The following CCDC148 variants were observed in gnomAD, a reference collection of about 807,000 sequenced individuals.
CCDC148 encodes coiled-coil domain-containing protein 148.
CCDC148 carries 89 observed loss-of-function variants against 85.7 expected under a neutral mutation model. The ratio of observed to expected loss-of-function variants is 1.04; its 90% CI spans 0.87 to 1.24. The LOEUF is 1.24. CCDC148 is among the 50% of genes most tolerant of loss of function. The pLI, the probability that CCDC148 is intolerant of heterozygous loss-of-function variation, is 0.00. For missense variants in CCDC148, 692 were observed against 671.7 expected (o/e 1.03, Z -0.33); for synonymous variants, 230 against 213.9 (o/e 1.08, Z -0.66).
rs183252970 is a variant in CCDC148, at chr2:158,294,215, G to A, written c.1110+15218C>T. Among the ~76,000 whole-genome samples the A allele has an allele frequency of 5.7e-4, 86 of 152,146 alleles. 1 individual carries two copies. Among genetic ancestry groups the A allele is most frequent in the African/African-American group, 1.7e-3 (69 of 41,504 alleles). On this transcript the variant is annotated intron_variant, in intron 9 of 13. Coordinates refer to ENST00000283233, the MANE Select transcript of CCDC148 (RefSeq NM_138803.4). Reference sequence around the variant, plus strand: ...TTGTGTCTGACATATTTTGTTTAGCGTAATACATTTGAGATGTGTACATGC... The same window carrying A: ...TTGTGTCTGACATATTTTGTTTAGCATAATACATTTGAGATGTGTACATGC...
chr2:158,186,802 T>A (rs1279035617), intron 11 of CCDC148, among the ~76,000 whole-genome samples: 4 of 151,842 alleles, frequency 2.6e-5, no homozygotes, highest in Non-Finnish European at 4.4e-5. Context: ...CCTCCTGAAA[T>A]TTTTTTTCTA....
At chr2:158,242,309 T>C (rs1236732190) in intron 10 of CCDC148, among the ~76,000 whole-genome samples, 3 of 152,176 alleles carry the variant, frequency 2.0e-5, no homozygotes, top group African/African-American at 7.2e-5. Flanking sequence ...TGCCTTCTGC[T>C]CTACCATTCC....
chr2:158,442,739 A>C (rs1213390673), intron 1 of CCDC148, among the ~76,000 whole-genome samples: 1 of 152,198 alleles, frequency 6.6e-6, no homozygotes, highest in African/African-American at 2.4e-5. Flanking sequence ...TGAAGTCACT[A>C]CCACTTTATG....
intron 10 of CCDC148, among the ~76,000 whole-genome samples, chr2:158,235,567 C>T (rs1688064865): frequency 6.6e-6 from 1 of 152,194 alleles, no homozygotes; most frequent in African/African-American, 2.4e-5. Context: ...GGTATGTTCT[C>T]TATTATTAGC....
At chr2:158,195,286 T>C (rs56137764) in intron 11 of CCDC148, among the ~76,000 whole-genome samples, 2,403 of 152,206 alleles carry the variant, frequency 0.016, 65 homozygotes, top group African/African-American at 0.053. Flanking sequence ...TGGCTTATAT[T>C]ATTGTCTTAT....
intron 1 of CCDC148, among the ~76,000 whole-genome samples, chr2:158,422,630 C>G (rs1395625369): frequency 6.6e-6 from 1 of 152,132 alleles, no homozygotes; most frequent in East Asian, 1.9e-4. Flanking sequence ...CAATATCATA[C>G]TGAATAGGCA....
At chr2:158,303,717 C>G (rs1043840394) in intron 9 of CCDC148, among the ~76,000 whole-genome samples, 1 of 152,176 alleles carries the variant, frequency 6.6e-6, no homozygotes, top group Non-Finnish European at 1.5e-5. Context: ...TGCATTTACA[C>G]TTCTCAGGTT....
intron 1 of CCDC148, among the ~76,000 whole-genome samples, chr2:158,374,124 C>T (rs1210068400): frequency 1.3e-5 from 2 of 152,020 alleles, no homozygotes; most frequent in East Asian, 3.9e-4. Flanking sequence ...TCAAGAACAA[C>T]CTCCAAGTCA....
chr2:158,344,402 G>T (rs1036653692), intron 3 of CCDC148, among the ~76,000 whole-genome samples: 3 of 152,034 alleles, frequency 2.0e-5, no homozygotes, highest in African/African-American at 7.2e-5. Flanking sequence ...ACATGAAAAA[G>T]ACCTAAGTCA....
chr2:158,230,483 G>A (rs573716078), intron 10 of CCDC148, among the ~76,000 whole-genome samples: 2 of 152,280 alleles, frequency 1.3e-5, no homozygotes, highest in South Asian at 2.1e-4. Flanking sequence ...GGAAGACCTC[G>A]CATATGTTGA....
intron 1 of CCDC148, among the ~76,000 whole-genome samples, chr2:158,362,642 C>T (rs572843458): frequency 3.3e-5 from 5 of 152,128 alleles, no homozygotes; most frequent in African/African-American, 1.2e-4. Context: ...CACAAGGTAC[C>T]AGAATCTCTG....
intron 9 of CCDC148, among the ~76,000 whole-genome samples, chr2:158,290,315 C>A (rs1226138319): frequency 6.6e-6 from 1 of 152,198 alleles, no homozygotes; most frequent in Non-Finnish European, 1.5e-5. Flanking sequence ...ATCCCATGGT[C>A]TCTAACCTAG....
chr2:158,185,193 A>T (rs1397106819), intron 11 of CCDC148, among the ~76,000 whole-genome samples: 1 of 152,112 alleles, frequency 6.6e-6, no homozygotes, highest in East Asian at 1.9e-4. Context: ...ACACACATGG[A>T]TGACAGGTTC....
At chr2:158,376,967 G>A (rs1444760183) in intron 1 of CCDC148, among the ~76,000 whole-genome samples, 4 of 151,994 alleles carry the variant, frequency 2.6e-5, no homozygotes, top group Admixed American at 1.3e-4. Context: ...ACCTGGAGAA[G>A]AGGGAGGTGA....
chr2:158,195,503 A>G (rs1449196569), intron 11 of CCDC148, among the ~76,000 whole-genome samples: 2 of 152,144 alleles, frequency 1.3e-5, no homozygotes, highest in South Asian at 2.1e-4. Flanking sequence ...AAAATTTACG[A>G]TAATACTTCC....
chr2:158,312,122 G>T (rs1185362537), intron 8 of CCDC148, among the ~76,000 whole-genome samples: 1 of 152,074 alleles, frequency 6.6e-6, no homozygotes, highest in Admixed American at 6.6e-5. Context: ...AATGGGATAA[G>T]GTATGTCCCA....
chr2:158,369,357 G>A (rs528360871), intron 1 of CCDC148, among the ~76,000 whole-genome samples: 1 of 152,140 alleles, frequency 6.6e-6, no homozygotes, highest in South Asian at 2.1e-4. Context: ...CTTGAGCAGT[G>A]GTTTGTAGTT....
intron 11 of CCDC148, among the ~76,000 whole-genome samples, chr2:158,196,606 G>T (rs1685684970): frequency 6.6e-6 from 1 of 152,008 alleles, no homozygotes; most frequent in Non-Finnish European, 1.5e-5. Context: ...CTTTCGATAT[G>T]GTCCAACATG....
At chr2:158,423,274 A>T (rs1035217635) in intron 1 of CCDC148, among the ~76,000 whole-genome samples, 1 of 152,196 alleles carries the variant, frequency 6.6e-6, no homozygotes, top group Non-Finnish European at 1.5e-5. Context: ...CATTGCCAAG[A>T]CAATCCTAAG....
Sources: gnomAD v4.1 joint callset for allele counts (sites outside exome capture counted in the v4.1 genomes callset) on GRCh38, gnomAD v4.1.1 for gene constraint, MANE v1.5 for transcripts, NCBI Gene and HGNC (gene_info 2026-07-23, HGNC 2026-07-21) for gene names.